RPS6KA5: variants seen among roughly 807,000 people sequenced by gnomAD.
RPS6KA5 encodes ribosomal protein S6 kinase alpha-5.
Under a neutral mutation model 85.5 loss-of-function variants are expected in RPS6KA5, and 27 were observed. The ratio of observed to expected loss-of-function variants is 0.32; its 90% CI spans 0.23 to 0.44. The LOEUF (loss-of-function observed/expected upper bound fraction) is 0.44, where lower values mean the gene tolerates loss of function less well. RPS6KA5 is among the 20% of genes least tolerant of loss of function. The pLI is 1.00. For missense variants in RPS6KA5, 811 were observed against 980.9 expected, an observed-to-expected ratio of 0.83 and a Z score of 2.31; for synonymous variants, 334 against 348.2, an observed-to-expected ratio of 0.96 and a Z score of 0.46.
rs184731983 is a variant in RPS6KA5 at position 90,983,576 on chromosome 14, G to A, written c.176-5052C>T. 9.2e-3 allele frequency among the ~76,000 whole-genome samples: 1,390 copies of A among 151,740 alleles called. 12 individuals carry two copies. The highest frequency in any genetic ancestry group is 0.037 in the Middle Eastern group (11 of 294). ...GATCGTGCCACTTGCACTCCAGCCTGGGCAACAGGGCAAAACTCTGTCTCA... is the reference window on the plus strand; with the variant it reads ...GATCGTGCCACTTGCACTCCAGCCTAGGCAACAGGGCAAAACTCTGTCTCA... On this transcript the variant is annotated intron_variant, in intron 2 of 16. Transcript: ENST00000614987.
intron 16 of RPS6KA5, among the ~76,000 whole-genome samples, chr14:90,873,051 T>C (rs2033223063): frequency 6.6e-6 from 1 of 151,522 alleles, no homozygotes; most frequent in African/African-American, 2.4e-5. Flanking sequence ...TACCTTCTCC[T>C]TTCTCAAAAT....
At chr14:90,904,791 C>G (rs905147864) in intron 8 of RPS6KA5, among the ~76,000 whole-genome samples, 1 of 152,012 alleles carries the variant, frequency 6.6e-6, no homozygotes, top group Admixed American at 6.5e-5. Flanking sequence ...TTTAAAAAGT[C>G]AAGGCAATTA....
chr14:90,974,036 TCAA>T (rs1217683319), intron 3 of RPS6KA5, among the ~76,000 whole-genome samples: 1 of 9,842 alleles, frequency 1.0e-4, no homozygotes, highest in African/African-American at 4.9e-4. Context: ...AGACTCCATC[TCAA>T]AAAAAAAAAA....
At chr14:90,926,490 A>C (rs1333067018) in intron 5 of RPS6KA5, among the ~76,000 whole-genome samples, 6 of 152,086 alleles carry the variant, frequency 3.9e-5, no homozygotes, top group African/African-American at 7.2e-5. Context: ...AAGCAGATTA[A>C]ATAAAAATAT....
intron 8 of RPS6KA5, 79 bp downstream of exon 8, chr14:90,906,070 T>G: frequency 7.5e-7 from 1 of 1,330,326 alleles, no homozygotes; most frequent in Non-Finnish European, 1.0e-6. Flanking sequence ...GGGACTGTGT[T>G]CACTAATTTC....
chr14:91,049,531 C>T (rs2042988314), intron 1 of RPS6KA5, among the ~76,000 whole-genome samples: 1 of 152,056 alleles, frequency 6.6e-6, no homozygotes, highest in African/African-American at 2.4e-5. Context: ...AGGAGAATGG[C>T]GTGAACCAAG....
In RPS6KA5 at chr14:90,867,289, G is replaced by A. The variant is rs1162327364; in HGVS notation, c.*4785C>T. 6 of 151,508 alleles carry A rather than the reference G, an allele frequency of 4.0e-5. No individual in the cohort carries two copies. Among genetic ancestry groups the A allele is most frequent in the African/African-American group, 9.7e-5 (4 of 41,272 alleles). The allele number at this position is 151,508 out of a possible 1,614,324, so 9.4% of individuals were successfully genotyped here. A position where few individuals can be genotyped will look rare whatever the true frequency, so the allele number is the denominator to read the frequency against. ...TTCTAATATTAAGAAAATTTAAAAC[G>A]TAAATGAAAAAACTGCTTAATGTGG... On this transcript the variant is annotated 3_prime_UTR_variant, in exon 17 of 17. Transcript: ENST00000614987.
intron 1 of RPS6KA5, among the ~76,000 whole-genome samples, chr14:91,023,082 TAA>T (rs368649949): frequency 4.4e-4 from 42 of 96,448 alleles, no homozygotes; most frequent in African/African-American, 1.6e-3. Context: ...AAACTCTATC[TAA>T]AAAAAAAAAA....
chr14:91,009,919 C>T (rs956411351), intron 1 of RPS6KA5, among the ~76,000 whole-genome samples: 7 of 151,982 alleles, frequency 4.6e-5, no homozygotes, highest in African/African-American at 1.7e-4. Flanking sequence ...GTTCAACTAA[C>T]CATGTATGAA....
In RPS6KA5 at chr14:90,854,446, T is replaced by C. The variant is rs1476796657; in HGVS notation, c.*17628A>G. ...TTTTAGATTTCACAATGTACACTTG[T>C]CTCAAGTAAGTCTATTTAACTAGAA... On this transcript the variant is annotated 3_prime_UTR_variant, in exon 17 of 17. Coordinates refer to ENST00000614987, the MANE Select transcript of RPS6KA5 (RefSeq NM_004755.4). The C allele has an allele frequency of 6.6e-6, 1 of 152,140 alleles. No homozygotes were observed. The highest frequency in any genetic ancestry group is 1.5e-5 in the Non-Finnish European group (1 of 68,002). 9.4% of individuals were successfully genotyped at this position (152,140 alleles called of 1,614,324 possible).
rs2035497815 is a variant in RPS6KA5, at chr14:90,906,304, A to AGG, written c.807-7_807-6dup. 1.3e-6 allele frequency: 2 copies of AGG among 1,571,344 alleles called. No homozygotes were observed. The highest frequency in any genetic ancestry group is 1.7e-6 in the Non-Finnish European group (2 of 1,153,568). The stretch of plus-strand genomic sequence containing the variant: ...GGCTCACTTTTTAATATTCTCCTGT[A>AGG]GGCAGACAAAACTTGCTGTTAAAAC... On this transcript the variant is annotated splice_region_variant and splice_polypyrimidine_tract_variant and intron_variant, in intron 7 of 16. Transcript: ENST00000614987.
rs1343225283 is a variant in RPS6KA5 at position 90,887,469 on chromosome 14, CTG to C, written c.1836+3016_1836+3017del. ...CCTCCCGAAGTGCTGGGATTACAGA[CTG>C]TGTCTGTCCATAAAAGGCAAGCACC... On this transcript the variant is annotated intron_variant, in intron 14 of 16. Coordinates refer to ENST00000614987, the MANE Select transcript of RPS6KA5 (RefSeq NM_004755.4). Among the ~76,000 whole-genome samples the C allele has an allele frequency of 7.2e-5, 11 of 152,176 alleles. No homozygotes were observed. In the East Asian group the frequency reaches 2.1e-3, roughly 29 times the overall value.
chr14:90,979,076 A>G (rs2140482165), intron 2 of RPS6KA5, among the ~76,000 whole-genome samples: 1 of 152,382 alleles, frequency 6.6e-6, no homozygotes, highest in African/African-American at 2.4e-5. Context: ...AACTGCATAC[A>G]ATACGACAGA....
In RPS6KA5 at chr14:90,939,013, G is replaced by A. The variant is rs138565243; in HGVS notation, c.618+4065C>T. Among the ~76,000 whole-genome samples, 739 of 152,234 alleles carry A rather than the reference G, an allele frequency of 4.9e-3. 26 individuals carry two copies. The highest frequency in any genetic ancestry group is 0.044 in the Admixed American group (666 of 15,284). On this transcript the variant is annotated intron_variant, in intron 5 of 16. Coordinates refer to ENST00000614987, the MANE Select transcript of RPS6KA5 (RefSeq NM_004755.4). ...TGCATTGTCAGGCTGCAAATTTTCCGAACTTTTATGCTCTGTTTCTCTTTT... is the reference window on the plus strand; with the variant it reads ...TGCATTGTCAGGCTGCAAATTTTCCAAACTTTTATGCTCTGTTTCTCTTTT...
At chr14:90,956,611 G>T (rs2038526658) in intron 3 of RPS6KA5, among the ~76,000 whole-genome samples, 2 of 147,074 alleles carry the variant, frequency 1.4e-5, no homozygotes, top group Non-Finnish European at 1.5e-5. Flanking sequence ...TCCTTTTTTT[G>T]TTAACTGAAT....
In RPS6KA5 at chr14:90,978,439, T is replaced by C; in HGVS notation, c.261A>G (p.Thr87=). The C allele has an allele frequency of 3.7e-6, 6 of 1,614,004 alleles. No homozygotes were observed. The highest frequency in any genetic ancestry group is 1.1e-5 in the South Asian group (1 of 91,046). Residue 87 remains threonine (T), a synonymous_variant, in exon 3 of 17, where the codon ACA becomes ACG. Transcript: ENST00000614987. The part of the protein sequence containing the change: ...LYAMKVLKKA[T]IVQKAKTTEH... Reference sequence around the variant, plus strand: ...CTGTGGTTTTGGCCTTTTGAACGATTGTTGCCTTTTTCAAAACTTTCATGG... The same window carrying C: ...CTGTGGTTTTGGCCTTTTGAACGATCGTTGCCTTTTTCAAAACTTTCATGG...
chr14:90,916,732 C>T (rs1385863788), intron 7 of RPS6KA5, among the ~76,000 whole-genome samples: 1 of 151,964 alleles, frequency 6.6e-6, no homozygotes, highest in African/African-American at 2.4e-5. Flanking sequence ...GACACCATGA[C>T]AAAGTGGATA....
chr14:90,917,625 T>C (rs2036189875), intron 7 of RPS6KA5, among the ~76,000 whole-genome samples: 1 of 152,188 alleles, frequency 6.6e-6, no homozygotes, highest in Non-Finnish European at 1.5e-5. Context: ...TAGTTTGCAT[T>C]TTCCAGAAAT....
chr14:90,894,760 A>G (rs193256202), intron 12 of RPS6KA5, among the ~76,000 whole-genome samples, 177 bp from the exon 13 acceptor site: 2 of 152,362 alleles, frequency 1.3e-5, no homozygotes, highest in East Asian at 3.9e-4. Flanking sequence ...GCTGTTTTAT[A>G]ATTCTATTTT....
Sources: gnomAD v4.1 joint callset for allele counts (sites outside exome capture counted in the v4.1 genomes callset) on GRCh38, gnomAD v4.1.1 for gene constraint, MANE v1.5 for transcripts, NCBI Gene and HGNC (gene_info 2026-07-23, HGNC 2026-07-21) for gene names.